RHEX: variants seen among roughly 807,000 people sequenced by gnomAD.
RHEX encodes the protein regulator of hemoglobinization and erythroid cell expansion, also known as regulator of hemoglobinization and erythroid cell expansion protein.
RHEX carries 18 observed loss-of-function variants against 20.1 expected under a neutral mutation model. The ratio of observed to expected loss-of-function variants is 0.90; its 90% CI spans 0.62 to 1.33. RHEX has a LOEUF of 1.33. Ranked by LOEUF, RHEX falls within the 40% of genes most tolerant of loss-of-function variation. The pLI is 0.00. For synonymous variants in RHEX, 87 were observed against 77.1 expected, an observed-to-expected ratio of 1.13 and a Z score of -0.67; for missense variants, 192 against 214.3, an observed-to-expected ratio of 0.90 and a Z score of 0.65.
chr1:206,088,705 T>TA (rs1382397366), intron 1 of RHEX, among the ~76,000 whole-genome samples: 2 of 152,102 alleles, frequency 1.3e-5, no homozygotes, highest in Non-Finnish European at 2.9e-5. Context: ...ATGAAAGAAA[T>TA]ATTCTGGATT....
At chr1:206,097,676 C>A in intron 1 of RHEX, 57 bp from the exon 2 acceptor site, 1 of 1,155,104 alleles carries the variant, frequency 8.7e-7, no homozygotes, top group Non-Finnish European at 1.3e-6. Flanking sequence ...TGAGTTTGCC[C>A]AAGGGAAATT....
rs185542488 is a variant in RHEX, at chr1:206,067,711, C to G, written c.-97+14446C>G. 8.7e-4 allele frequency among the ~76,000 whole-genome samples: 132 copies of G among 152,308 alleles called. No homozygotes were observed. The highest frequency in any genetic ancestry group is 1.6e-3 in the Non-Finnish European group (107 of 68,030). ...GCACAACCTCATTCTGCACATACCC[C>G]CTCCAGTACAACCCTAGAAAACTTC... is the stretch of plus-strand genomic sequence containing the variant. On this transcript the variant is annotated intron_variant, in intron 1 of 5. Coordinates refer to ENST00000331555, the MANE Select transcript of RHEX (RefSeq NM_001007544.4). This position sits in a 1 kb window ranked among gnomAD's most constrained non-coding sequence, Gnocchi z 4.6.
At position 206,098,187 on chromosome 1, in the gene RHEX, T is replaced by C; in HGVS notation, c.112+6T>C. ...CCTGCTCAGCAGGCACATGGGTAAC[T>C]GGCTCAGCATCCTCTTCCCTCCTAG... On this transcript the variant is annotated splice_donor_region_variant and intron_variant, in intron 3 of 5. Coordinates refer to ENST00000331555, the MANE Select transcript of RHEX (RefSeq NM_001007544.4). 1 of 1,593,338 alleles carries C rather than the reference T, an allele frequency of 6.3e-7. No homozygotes were observed. Among genetic ancestry groups the C allele is most frequent in the Non-Finnish European group, 8.6e-7 (1 of 1,160,990 alleles).
At position 206,098,079 on chromosome 1, in the gene RHEX, A is replaced by T; in HGVS notation, c.12-2A>T. 1 of 1,611,854 alleles carries T rather than the reference A, an allele frequency of 6.2e-7. No homozygotes were observed. The highest frequency in any genetic ancestry group is 1.7e-4 in the Middle Eastern group (1 of 6,060). ...ACTTTGCCCCTTTTTCTTTCCCAAC[A>T]GAGTCATGGAGGTCTGGCATGGCTT... On this transcript the variant is annotated splice_acceptor_variant, in intron 2 of 5. Coordinates refer to ENST00000331555, the MANE Select transcript of RHEX (RefSeq NM_001007544.4). LOFTEE classifies it high-confidence loss of function.
chr1:206,089,971 C>T (rs1318511345), intron 1 of RHEX, among the ~76,000 whole-genome samples: 3 of 151,926 alleles, frequency 2.0e-5, no homozygotes, highest in African/African-American at 7.2e-5. Context: ...GTTTGGAATT[C>T]ATTTTGCTAT....
chr1:206,096,762 C>G (rs1384576832), intron 1 of RHEX, among the ~76,000 whole-genome samples: 1 of 146,528 alleles, frequency 6.8e-6, no homozygotes, highest in East Asian at 2.0e-4. Context: ...GCACAAGTCC[C>G]CTGTTTTTTT....
intron 1 of RHEX, among the ~76,000 whole-genome samples, chr1:206,084,523 GA>G (rs1436141805): frequency 2.6e-5 from 4 of 152,288 alleles, no homozygotes; most frequent in Non-Finnish European, 5.9e-5. Context: ...TTTCATTACA[GA>G]AGAGTTAGAT....
intron 1 of RHEX, among the ~76,000 whole-genome samples, chr1:206,071,779 G>A (rs782155681): frequency 1.3e-5 from 2 of 150,988 alleles, no homozygotes; most frequent in Non-Finnish European, 2.9e-5. Flanking sequence ...AGCCCAGGAG[G>A]CTGAGACTGC....
intron 1 of RHEX, among the ~76,000 whole-genome samples, chr1:206,075,741 G>A (rs1248586231): frequency 1.3e-5 from 2 of 151,612 alleles, no homozygotes; most frequent in Admixed American, 6.6e-5. Flanking sequence ...CTGGGATTAC[G>A]GGTGCCCACC....
intron 1 of RHEX, among the ~76,000 whole-genome samples, chr1:206,057,889 GT>G (rs746781646): frequency 3.9e-4 from 60 of 152,258 alleles, no homozygotes; most frequent in Non-Finnish European, 8.1e-4. Flanking sequence ...GTTACAAGCT[GT>G]TTTAGAAATT....
At chr1:206,085,956 C>T (rs1246393825) in intron 1 of RHEX, among the ~76,000 whole-genome samples, 1 of 152,150 alleles carries the variant, frequency 6.6e-6, no homozygotes, top group Non-Finnish European at 1.5e-5. Context: ...GACATGGTGA[C>T]CAGAGCCAAA....
At chr1:206,095,243 T>C (rs1340999447) in intron 1 of RHEX, among the ~76,000 whole-genome samples, 3 of 152,174 alleles carry the variant, frequency 2.0e-5, no homozygotes, top group Non-Finnish European at 2.9e-5. Flanking sequence ...TGTCCCAGTT[T>C]AGGGGCATAC....
In RHEX at chr1:206,101,009, C is replaced by T. The variant is rs978817193; in HGVS notation, c.257-127C>T. 67 of 667,240 alleles carry T rather than the reference C, an allele frequency of 1.0e-4. 1 individual carries two copies. In the South Asian group the frequency reaches 1.4e-3, roughly 14 times the overall value. The allele number at this position is 667,240 out of a possible 1,614,324, so 41.3% of individuals were successfully genotyped here. On this transcript the variant is annotated intron_variant, in intron 4 of 5. Coordinates refer to ENST00000331555, the MANE Select transcript of RHEX (RefSeq NM_001007544.4). The stretch of plus-strand genomic sequence containing the variant: ...TCTGTATCTCTCTTCCCTACCCCCC[C>T]TTTTTGTTGCTGGCTCTGCCTCTGT...
At chr1:206,093,830 G>A (rs1387388335) in intron 1 of RHEX, among the ~76,000 whole-genome samples, 1 of 152,114 alleles carries the variant, frequency 6.6e-6, no homozygotes, top group Non-Finnish European at 1.5e-5. Flanking sequence ...TTAGCACTGG[G>A]ACGAAGTAGG....
At chr1:206,093,708 G>A (rs1206909969) in intron 1 of RHEX, among the ~76,000 whole-genome samples, 2 of 152,020 alleles carry the variant, frequency 1.3e-5, no homozygotes, top group East Asian at 1.9e-4. Context: ...CTGATATTAC[G>A]CTGTACCTAT....
chr1:206,076,963 C>A (rs1662646212), intron 1 of RHEX, among the ~76,000 whole-genome samples: 1 of 152,208 alleles, frequency 6.6e-6, no homozygotes, highest in Non-Finnish European at 1.5e-5. Context: ...TCTGCATCCC[C>A]ACCAGCTGGG....
At chr1:206,100,938 C>G (rs1553288299) in intron 4 of RHEX, among the ~76,000 whole-genome samples, 198 bp from the exon 5 acceptor site, 1 of 152,140 alleles carries the variant, frequency 6.6e-6, no homozygotes, top group Non-Finnish European at 1.5e-5. Flanking sequence ...TTTCTCTCCC[C>G]CTACTCTTCC....
At chr1:206,072,530 C>T (rs1329745774) in intron 1 of RHEX, among the ~76,000 whole-genome samples, 11 of 152,004 alleles carry the variant, frequency 7.2e-5, no homozygotes, top group Admixed American at 2.6e-4. Context: ...GAGCCGAGAT[C>T]GTGCCACTGC....
rs1663207140 is a variant in RHEX at position 206,102,243 on chromosome 1, C to T, written c.*291C>T. 2.3e-6 allele frequency: 1 copy of T among 433,490 alleles called. No homozygotes were observed. The highest frequency in any genetic ancestry group is 3.7e-5 in the Admixed American group (1 of 26,934). The allele number at this position is 433,490 out of a possible 1,614,324, so 26.9% of individuals were successfully genotyped here. On this transcript the variant is annotated 3_prime_UTR_variant, in exon 6 of 6. Coordinates refer to ENST00000331555, the MANE Select transcript of RHEX (RefSeq NM_001007544.4). ...GGTTGAGATCAGATGTTAGGAAGAA[C>T]TTTCAGGTAAAGTATGAGAACTATG...
Sources: gnomAD v4.1 joint callset for allele counts (sites outside exome capture counted in the v4.1 genomes callset) on GRCh38, gnomAD v4.1.1 for gene constraint, Gnocchi (gnomAD v3.1) non-coding constraint, MANE v1.5 for transcripts, NCBI Gene and HGNC (gene_info 2026-07-23, HGNC 2026-07-21) for gene names.